Variants in ARSJ observed in about 807,000 individuals in gnomAD.
The protein encoded by ARSJ is arylsulfatase J.
A neutral mutation model predicts 35.9 loss-of-function variants in ARSJ; 26 were observed. That is an observed-to-expected ratio of 0.72 (90% CI 0.53 to 1.00). The LOEUF (loss-of-function observed/expected upper bound fraction) is 1.00, where lower values mean the gene tolerates loss of function less well. ARSJ is among the 50% of genes least tolerant of loss of function. ARSJ has a pLI of 0.00. For synonymous variants in ARSJ, 294 were observed against 267.6 expected (o/e 1.10, Z -0.96); for missense variants, 667 against 723.6 (o/e 0.92, Z 0.90).
intron 1 of ARSJ, among the ~76,000 whole-genome samples, chr4:113,904,592 C>T (rs112476379): frequency 0.035 from 5,361 of 152,316 alleles, 307 homozygotes; most frequent in African/African-American, 0.11. Flanking sequence ...TCACGCCATT[C>T]TCCTGCCTCA....
At chr4:113,906,754 T>C (rs1358358510) in intron 1 of ARSJ, 1 of 455,934 alleles carries the variant, frequency 2.2e-6, no homozygotes, top group Non-Finnish European at 4.4e-6. Context: ...ATCTGTAAAA[T>C]AGGGATAATA....
intron 1 of ARSJ, among the ~76,000 whole-genome samples, chr4:113,930,084 C>A (rs1724333951): frequency 6.6e-6 from 1 of 152,104 alleles, no homozygotes; most frequent in East Asian, 1.9e-4. Context: ...AGAACTCCAT[C>A]CTTAATATTC....
At chr4:113,972,180 A>ACT (rs914652525) in intron 1 of ARSJ, among the ~76,000 whole-genome samples, 4 of 151,628 alleles carry the variant, frequency 2.6e-5, no homozygotes, top group Non-Finnish European at 5.9e-5. Flanking sequence ...AGAGCTCCCG[A>ACT]CTGAGTGCCT....
chr4:113,977,366 T>C (rs1271459302), intron 1 of ARSJ, among the ~76,000 whole-genome samples: 1 of 152,242 alleles, frequency 6.6e-6, no homozygotes, highest in Non-Finnish European at 1.5e-5. Context: ...GTGGAAATCA[T>C]GCTGTAAGCA....
intron 1 of ARSJ, among the ~76,000 whole-genome samples, chr4:113,973,485 A>G (rs1727404953): frequency 1.3e-5 from 2 of 152,164 alleles, no homozygotes; most frequent in African/African-American, 4.8e-5. Context: ...CCACCTCTTC[A>G]ACTGTACTTC....
chr4:113,968,865 T>C (rs912770916), intron 1 of ARSJ, among the ~76,000 whole-genome samples: 15 of 152,220 alleles, frequency 9.9e-5, no homozygotes, highest in East Asian at 5.8e-4. Flanking sequence ...CTGTAAGCAA[T>C]ATAATCATTT....
intron 1 of ARSJ, among the ~76,000 whole-genome samples, chr4:113,975,691 A>G (rs962871268): frequency 3.9e-5 from 6 of 152,198 alleles, no homozygotes; most frequent in African/African-American, 1.4e-4. Context: ...AACTATCTAA[A>G]GTTGTTGCAA....
At chr4:113,949,179 G>C (rs1005119529) in intron 1 of ARSJ, among the ~76,000 whole-genome samples, 5 of 146,484 alleles carry the variant, frequency 3.4e-5, no homozygotes, top group Non-Finnish European at 7.5e-5. Context: ...ATAACAGGGG[G>C]TTGCGGGTGG....
intron 1 of ARSJ, among the ~76,000 whole-genome samples, chr4:113,942,652 G>A (rs143597622): frequency 5.3e-5 from 8 of 152,186 alleles, no homozygotes; most frequent in Admixed American, 1.3e-4. Context: ...TCAGCATGCA[G>A]TGGTTATGAG....
chr4:113,949,837 A>C (rs1725745342), intron 1 of ARSJ, among the ~76,000 whole-genome samples: 3 of 152,000 alleles, frequency 2.0e-5, no homozygotes, highest in Non-Finnish European at 4.4e-5. Context: ...TCTGTACTCC[A>C]CTCCAAGTAT....
rs961847664 is a variant in ARSJ at position 113,901,642 on chromosome 4, G to A, written c.*632C>T. The A allele has an allele frequency of 2.6e-5, 4 of 152,356 alleles. No homozygotes were observed. Among genetic ancestry groups the A allele is most frequent in the South Asian group, 2.1e-4 (1 of 4,824 alleles). The allele number at this position is 152,356 out of a possible 1,614,324, so 9.4% of individuals were successfully genotyped here. On this transcript the variant is annotated 3_prime_UTR_variant, in exon 2 of 2. Coordinates refer to ENST00000315366, the MANE Select transcript of ARSJ (RefSeq NM_024590.4). ...ACATTCTTATTTGCCATTCCCTCAC[G>A]CATGGTAAAATGAGGTGCAAGCTGT...
chr4:113,906,807 T>C, intron 1 of ARSJ: 1 of 451,322 alleles, frequency 2.2e-6, no homozygotes, highest in South Asian at 1.6e-5. Flanking sequence ...GAGCAGAGTC[T>C]AGTAAGGAAG....
At position 113,978,880 on chromosome 4, in the gene ARSJ, C is replaced by T. The variant is rs374279970; in HGVS notation, c.-46G>A. 90 of 1,531,514 alleles carry T rather than the reference C, an allele frequency of 5.9e-5. No individual in the cohort carries two copies. In the Middle Eastern group the frequency reaches 1.3e-3, roughly 21 times the overall value. The allele number at this position is 1,531,514 out of a possible 1,614,324, so 94.9% of individuals were successfully genotyped here. ...ACTCCACGCGGAGAACCACGCGCCCCGCGCCGCTGCGGGCGCACACATGCA... is the reference window on the plus strand; with the variant it reads ...ACTCCACGCGGAGAACCACGCGCCCTGCGCCGCTGCGGGCGCACACATGCA... On this transcript the variant is annotated 5_prime_UTR_variant, in exon 1 of 2. Coordinates refer to ENST00000315366, the MANE Select transcript of ARSJ (RefSeq NM_024590.4).
intron 1 of ARSJ, among the ~76,000 whole-genome samples, chr4:113,962,211 C>T (rs963706901): frequency 6.6e-6 from 1 of 151,958 alleles, no homozygotes; most frequent in Non-Finnish European, 1.5e-5. Context: ...ATGTAGCACC[C>T]TGCCCCAACA....
chr4:113,928,281 G>A (rs1185119809), intron 1 of ARSJ, among the ~76,000 whole-genome samples: 1 of 152,116 alleles, frequency 6.6e-6, no homozygotes, highest in Admixed American at 6.6e-5. Flanking sequence ...GGGAAGGATG[G>A]GAGAAAGATT....
In ARSJ at chr4:113,979,139, A is replaced by G. The variant is rs1454456356; in HGVS notation, c.-305T>C. 1 of 252,286 alleles carries G rather than the reference A, an allele frequency of 4.0e-6. No individual in the cohort carries two copies. The highest frequency in any genetic ancestry group is 7.6e-6 in the Non-Finnish European group (1 of 131,450). 15.6% of individuals were successfully genotyped at this position (252,286 alleles called of 1,614,324 possible). ...AGAAAAAAGTTAATATCTCCACCCA[A>G]AAGTTCTCTGGAGAAAAAAACCAAG... On this transcript the variant is annotated 5_prime_UTR_variant, in exon 1 of 2. Transcript: ENST00000315366.
chr4:113,931,906 CAA>C (rs958434305), intron 1 of ARSJ, among the ~76,000 whole-genome samples: 18 of 151,894 alleles, frequency 1.2e-4, no homozygotes, highest in Admixed American at 4.6e-4. Flanking sequence ...GAATTCATAA[CAA>C]ATACACAAAC....
intron 1 of ARSJ, among the ~76,000 whole-genome samples, chr4:113,975,085 T>C (rs1271864573): frequency 6.6e-6 from 1 of 152,142 alleles, no homozygotes; most frequent in Non-Finnish European, 1.5e-5. Context: ...ATTCCATTTG[T>C]ATAAAGTTCA....
rs1727794077 is a variant in ARSJ at position 113,979,343 on chromosome 4, A to T, written c.-509T>A. 6.5e-6 allele frequency: 1 copy of T among 154,748 alleles called. No homozygotes were observed. Among genetic ancestry groups the T allele is most frequent in the Admixed American group, 6.4e-5 (1 of 15,740 alleles). The allele number at this position is 154,748 out of a possible 1,614,324, so 9.6% of individuals were successfully genotyped here. ...AGTGGACGCGTCGCGTCTGGCTCTG[A>T]TCAGACAGATAAACTGCCGTAGTGG... On this transcript the variant is annotated 5_prime_UTR_variant, in exon 1 of 2. Transcript: ENST00000315366.
Sources: gnomAD v4.1 joint callset for allele counts (sites outside exome capture counted in the v4.1 genomes callset) on GRCh38, gnomAD v4.1.1 for gene constraint, MANE v1.5 for transcripts, NCBI Gene and HGNC (gene_info 2026-07-23, HGNC 2026-07-21) for gene names.